The following SH3PXD2B variants were observed in gnomAD, a reference collection of about 807,000 sequenced individuals.
The protein encoded by SH3PXD2B is SH3 and PX domain-containing protein 2B.
SH3PXD2B carries 37 observed loss-of-function variants against 73.1 expected under a neutral mutation model. The ratio of observed to expected loss-of-function variants is 0.51; its 90% confidence interval spans 0.39 to 0.67. SH3PXD2B has a LOEUF of 0.67. Ranked by LOEUF, SH3PXD2B falls within the 30% of genes least tolerant of loss-of-function variation. The probability of loss-of-function intolerance (pLI) is 0.00; values close to 1 mark genes in which losing one functional copy is unlikely to be tolerated. For synonymous variants in SH3PXD2B, 457 were observed against 480.5 expected (o/e 0.95, Z 0.64); for missense variants, 1,053 against 1,197.8 (o/e 0.88, Z 1.78).
At chr5:172,439,297 A>C (rs75227210) in intron 1 of SH3PXD2B, among the ~76,000 whole-genome samples, 2,182 of 142,544 alleles carry the variant, frequency 0.015, 125 homozygotes, top group African/African-American at 0.057. Context: ...AAAAACCCCA[A>C]AAAAAAACCA....
chr5:172,340,497 A>T (rs1756827423), intron 12 of SH3PXD2B, among the ~76,000 whole-genome samples: 1 of 152,182 alleles, frequency 6.6e-6, no homozygotes, highest in African/African-American at 2.4e-5. Flanking sequence ...AATTCTAAAG[A>T]CAAGGCAGAA....
At chr5:172,446,421 C>T (rs892725087) in intron 1 of SH3PXD2B, among the ~76,000 whole-genome samples, 1 of 152,222 alleles carries the variant, frequency 6.6e-6, no homozygotes, top group African/African-American at 2.4e-5. Context: ...TTTCCTGCAG[C>T]TGCAGGGACC....
In SH3PXD2B at chr5:172,339,281, C is replaced by T; in HGVS notation, c.1824G>A (p.Lys608=). The change falls in exon 13 of 13, where the codon AAG becomes AAA. Residue 608 remains lysine, a synonymous_variant. Transcript: ENST00000311601. This position sits in a 1 kb window ranked among gnomAD's most constrained non-coding sequence, Gnocchi z 6.1. ...CGHKVLAKEV[K]KPNLRPISKS... is the part of the protein sequence containing the mutation. ...TGGAGATGGGCCGGAGGTTGGGCTTCTTCACTTCCTTGGCCAAGACCTTGT... is the reference window on the plus strand; with the variant it reads ...TGGAGATGGGCCGGAGGTTGGGCTTTTTCACTTCCTTGGCCAAGACCTTGT... 1.2e-6 allele frequency: 2 copies of T among 1,614,216 alleles called. No homozygotes were observed. The highest frequency in any genetic ancestry group is 1.7e-6 in the Non-Finnish European group (2 of 1,180,046).
intron 2 of SH3PXD2B, among the ~76,000 whole-genome samples, chr5:172,416,689 T>G (rs1758830158): frequency 9.8e-6 from 1 of 101,980 alleles, no homozygotes; most frequent in Non-Finnish European, 1.8e-5. Flanking sequence ...TCTCTCTCTC[T>G]CTCTCTCTTT....
intron 2 of SH3PXD2B, among the ~76,000 whole-genome samples, chr5:172,418,605 G>T (rs1019874137): frequency 4.6e-5 from 7 of 152,152 alleles, no homozygotes; most frequent in African/African-American, 1.7e-4. Flanking sequence ...AAGGGCTGGT[G>T]CGATCCTGCC....
chr5:172,419,092 TGAG>T (rs1004369905), intron 2 of SH3PXD2B, among the ~76,000 whole-genome samples: 1 of 152,140 alleles, frequency 6.6e-6, no homozygotes, highest in African/African-American at 2.4e-5. Context: ...ACTATGCAGA[TGAG>T]GAGGCTGAGG....
chr5:172,414,456 TAAAAAAAAAA>T (rs1007937801), intron 2 of SH3PXD2B, among the ~76,000 whole-genome samples: 3 of 77,566 alleles, frequency 3.9e-5, no homozygotes, highest in East Asian at 3.9e-4. Flanking sequence ...GACTCCATCT[TAAAAAAAAAA>T]AAAAAAAAAA....
At chr5:172,346,108 T>C (rs890237642) in intron 12 of SH3PXD2B, 28 bp downstream of exon 12, 5 of 1,613,510 alleles carry the variant, frequency 3.1e-6, no homozygotes, top group Middle Eastern at 1.6e-4. Context: ...GAATCACAAG[T>C]AGGCAAAGGA....
chr5:172,326,198 C>A (rs1032981998), intron 12 of SH3PXD2B, among the ~76,000 whole-genome samples: 30 of 152,230 alleles, frequency 2.0e-4, no homozygotes, highest in African/African-American at 6.8e-4. Context: ...AGGATAGTAA[C>A]TAACATGCAC....
At chr5:172,388,927 C>T (rs775285596) in intron 4 of SH3PXD2B, among the ~76,000 whole-genome samples, 7 of 152,222 alleles carry the variant, frequency 4.6e-5, no homozygotes, top group African/African-American at 1.2e-4. Context: ...GCAACAGCAG[C>T]GCTGATGGCT....
intron 11 of SH3PXD2B, 76 bp from the exon 12 acceptor site, chr5:172,346,337 G>A: frequency 6.2e-7 from 1 of 1,605,234 alleles, no homozygotes; most frequent in Non-Finnish European, 8.5e-7. Flanking sequence ...GAGTCTAAGG[G>A]CCTGGGGCAT....
rs141428218 is a variant in SH3PXD2B at position 172,350,521 on chromosome 5, G to A, written c.854C>T (p.Pro285Leu). The A allele has an allele frequency of 1.5e-4, 237 of 1,614,016 alleles. 1 individual carries two copies. The highest frequency in any genetic ancestry group is 1.5e-3 in the African/African-American group (110 of 75,050). Reference sequence around the variant, plus strand: ...GGAGGGTGAGCCAGGGCCTGGCTTCGGGGGCAAGGGCTCCCCACTGTTCTT... The same window carrying A: ...GGAGGGTGAGCCAGGGCCTGGCTTCAGGGGCAAGGGCTCCCCACTGTTCTT... ...LKKNSGEPLP[P>L]KPGPGSPSHP... Residue 285 changes from proline (P) to leucine (L), a missense_variant, in exon 10 of 13, where the codon CCG becomes CTG. By Grantham distance (98) the Pro-to-Leu change is moderately conservative. Coordinates refer to ENST00000311601, the MANE Select transcript of SH3PXD2B (RefSeq NM_001017995.3).
intron 4 of SH3PXD2B, among the ~76,000 whole-genome samples, chr5:172,388,537 T>A (rs529233199): frequency 1.3e-4 from 20 of 152,342 alleles, no homozygotes; most frequent in African/African-American, 3.4e-4. Flanking sequence ...GTTCCCTCCC[T>A]GTGGTTAGTC....
At chr5:172,366,567 C>G (rs74759495) in intron 6 of SH3PXD2B, among the ~76,000 whole-genome samples, 6,362 of 152,290 alleles carry the variant, frequency 0.042, 207 homozygotes, top group South Asian at 0.2. Context: ...CTATTCTTAG[C>G]CTCCTAACTG....
chr5:172,373,357 T>A (rs1757749144), intron 6 of SH3PXD2B, among the ~76,000 whole-genome samples: 3 of 152,208 alleles, frequency 2.0e-5, no homozygotes, highest in Admixed American at 2.0e-4. Context: ...CTGAGAAGAA[T>A]GCTCTTAGCT....
chr5:172,401,280 G>A (rs1758416002), intron 3 of SH3PXD2B, among the ~76,000 whole-genome samples: 1 of 152,178 alleles, frequency 6.6e-6, no homozygotes, highest in Non-Finnish European at 1.5e-5. Flanking sequence ...AATGGTCAAA[G>A]GACACCTTCT....
intron 8 of SH3PXD2B, among the ~76,000 whole-genome samples, chr5:172,355,966 G>A (rs184307298): frequency 5.6e-4 from 85 of 152,240 alleles, no homozygotes; most frequent in Admixed American, 2.2e-3. Context: ...CCTCCCGAGC[G>A]TGCATTTGCC....
At chr5:172,396,728 C>A (rs1247074090) in intron 3 of SH3PXD2B, among the ~76,000 whole-genome samples, 1 of 150,532 alleles carries the variant, frequency 6.6e-6, no homozygotes, top group Non-Finnish European at 1.5e-5. Flanking sequence ...AGGTGGATAA[C>A]CTGAGGTCAG....
chr5:172,358,894 G>A lies in SH3PXD2B; in HGVS notation c.563-17C>T. 6.2e-7 allele frequency: 1 copy of A among 1,610,184 alleles called. No individual in the cohort carries two copies. Among genetic ancestry groups the A allele is most frequent in the Non-Finnish European group, 8.5e-7 (1 of 1,177,364 alleles). On this transcript the variant is annotated splice_polypyrimidine_tract_variant and intron_variant, in intron 7 of 12. Coordinates refer to ENST00000311601, the MANE Select transcript of SH3PXD2B (RefSeq NM_001017995.3). ...ACCACCAACCTGGGGAAGCAAGAGT[G>A]CAGAATGATGTTAGTTGCATCAAGC... is the stretch of plus-strand genomic sequence containing the variant.
Sources: gnomAD v4.1 joint callset for allele counts (sites outside exome capture counted in the v4.1 genomes callset) on GRCh38, gnomAD v4.1.1 for gene constraint, Gnocchi (gnomAD v3.1) non-coding constraint, MANE v1.5 for transcripts, NCBI Gene and HGNC (gene_info 2026-07-23, HGNC 2026-07-21) for gene names.